Variants in TCF12 observed in about 807,000 individuals in gnomAD.
The protein encoded by TCF12 is transcription factor 12, also known as DNA-binding protein HTF4.
A neutral mutation model predicts 86.0 loss-of-function variants in TCF12; 45 were observed. The ratio of observed to expected loss-of-function variants is 0.52; its 90% CI spans 0.41 to 0.67. The LOEUF is 0.67. Ranked by LOEUF, TCF12 falls within the 30% of genes least tolerant of loss-of-function variation. The probability of loss-of-function intolerance (pLI) is 0.00; values close to 1 mark genes in which losing one functional copy is unlikely to be tolerated. For synonymous variants in TCF12, 330 were observed against 299.6 expected (o/e 1.10, Z -1.05); for missense variants, 881 against 859.9 (o/e 1.02, Z -0.31).
intron 3 of TCF12, among the ~76,000 whole-genome samples, chr15:56,990,229 G>C (rs987411856): frequency 7.6e-6 from 1 of 130,848 alleles, no homozygotes; most frequent in Non-Finnish European, 1.5e-5. Context: ...AATCTTTATC[G>C]TGTGTGTGTG....
chr15:56,937,580 A>G (rs557000956), intron 3 of TCF12, among the ~76,000 whole-genome samples: 34 of 151,328 alleles, frequency 2.2e-4, no homozygotes, highest in Middle Eastern at 3.4e-3. Context: ...GGCTAGGACT[A>G]TATTGAATAG....
In TCF12 at chr15:57,232,342, A is replaced by G; in HGVS notation, c.737A>G (p.Gln246Arg). Reference protein sequence around the residue: ...DLWSSSNGMSQPGFGGILGTS... With the variant: ...DLWSSSNGMSRPGFGGILGTS... The stretch of plus-strand genomic sequence containing the variant: ...TGGAGTTCATCAAATGGGATGAGCC[A>G]GCCTGGTTTTGGTGGAATTCTGGGG... Residue 246 changes from glutamine (Q) to arginine (R), a missense_variant, in exon 10 of 21, where the codon CAG becomes CGG. Transcript: ENST00000333725. 6.2e-7 allele frequency: 1 copy of G among 1,614,082 alleles called. No individual in the cohort carries two copies. The highest frequency in any genetic ancestry group is 8.5e-7 in the Non-Finnish European group (1 of 1,179,924).
At chr15:57,206,644 G>A (rs551887226) in intron 8 of TCF12, among the ~76,000 whole-genome samples, 1 of 129,938 alleles carries the variant, frequency 7.7e-6, no homozygotes, top group East Asian at 2.3e-4. Flanking sequence ...CTGGAGTGCA[G>A]TGGCACGATC....
chr15:56,921,978 G>A (rs1236100429), intron 3 of TCF12, among the ~76,000 whole-genome samples: 1 of 151,932 alleles, frequency 6.6e-6, no homozygotes, highest in East Asian at 1.9e-4. Flanking sequence ...ATCATCTTAA[G>A]TAAGTGAAAT....
chr15:57,008,242 C>T (rs1010769380), intron 3 of TCF12, among the ~76,000 whole-genome samples: 8 of 151,500 alleles, frequency 5.3e-5, no homozygotes, highest in Non-Finnish European at 1.0e-4. Context: ...CCCAAAGTGC[C>T]GAGATTACAG....
chr15:57,268,696 G>C (rs907442029), intron 18 of TCF12, among the ~76,000 whole-genome samples: 5 of 152,058 alleles, frequency 3.3e-5, no homozygotes, highest in Non-Finnish European at 5.9e-5. Context: ...TCTATAAGCT[G>C]TTACAGAGCA....
intron 3 of TCF12, among the ~76,000 whole-genome samples, chr15:56,972,272 A>T (rs2062376554): frequency 6.6e-6 from 1 of 152,240 alleles, no homozygotes; most frequent in African/African-American, 2.4e-5. Context: ...TTTTCTTTTG[A>T]TCCAGCAATT....
chr15:57,075,307 A>T (rs954382745), intron 4 of TCF12, among the ~76,000 whole-genome samples: 2 of 152,078 alleles, frequency 1.3e-5, no homozygotes, highest in African/African-American at 4.8e-5. Context: ...TTTCCTCAGT[A>T]TCTTTCTTCC....
intron 11 of TCF12, 132 bp from the exon 12 acceptor site, chr15:57,233,909 CAT>C (rs1319417965): frequency 2.9e-6 from 2 of 685,074 alleles, no homozygotes; most frequent in Non-Finnish European, 2.7e-6. Flanking sequence ...AAGTACAACA[CAT>C]GTAGAGTATT....
intron 19 of TCF12, among the ~76,000 whole-genome samples, chr15:57,278,843 TTCC>T (rs2152120841): frequency 6.6e-6 from 1 of 150,646 alleles, no homozygotes; most frequent in African/African-American, 2.5e-5. Context: ...CTTTCTCTCT[TTCC>T]TCCTTTTTTC....
At chr15:57,199,153 T>C (rs567613696) in intron 8 of TCF12, among the ~76,000 whole-genome samples, 17 of 152,298 alleles carry the variant, frequency 1.1e-4, no homozygotes, top group Non-Finnish European at 1.6e-4. Context: ...GACTGCTTGA[T>C]AAACAAAATG....
intron 4 of TCF12, among the ~76,000 whole-genome samples, chr15:57,085,017 T>C (rs1048905440): frequency 2.6e-5 from 4 of 152,196 alleles, no homozygotes; most frequent in Non-Finnish European, 5.9e-5. Flanking sequence ...GTATCCAGCA[T>C]ATTTTTTGAA....
chr15:57,249,213 A>C (rs1457073046), intron 13 of TCF12, among the ~76,000 whole-genome samples: 1 of 152,190 alleles, frequency 6.6e-6, no homozygotes. Context: ...TTGTTTTTAT[A>C]TATTTTTCAT....
chr15:57,221,449 C>A (rs930038537), intron 8 of TCF12, among the ~76,000 whole-genome samples: 4 of 150,224 alleles, frequency 2.7e-5, no homozygotes, highest in African/African-American at 9.8e-5. Context: ...TTATGTAGGA[C>A]CCTGAACCAG....
intron 3 of TCF12, among the ~76,000 whole-genome samples, chr15:57,037,058 G>A (rs1377842096): frequency 2.0e-5 from 3 of 152,308 alleles, no homozygotes; most frequent in East Asian, 1.9e-4. Context: ...GTGATTTAAA[G>A]TGTAATCATT....
intron 3 of TCF12, among the ~76,000 whole-genome samples, chr15:56,970,833 T>C (rs939798834): frequency 1.3e-4 from 19 of 151,446 alleles, no homozygotes; most frequent in Non-Finnish European, 1.5e-5. Flanking sequence ...AAGAAATGCT[T>C]GAGCCCAGGA....
intron 3 of TCF12, among the ~76,000 whole-genome samples, chr15:56,993,517 G>T (rs2063553815): frequency 6.6e-6 from 1 of 152,212 alleles, no homozygotes; most frequent in Non-Finnish European, 1.5e-5. Flanking sequence ...ATGCCTCAGA[G>T]AATTGGAAAG....
At chr15:57,217,734 C>G (rs2058389317) in intron 8 of TCF12, among the ~76,000 whole-genome samples, 1 of 151,922 alleles carries the variant, frequency 6.6e-6, no homozygotes, top group South Asian at 2.1e-4. Flanking sequence ...GTTTGATTTT[C>G]CTTTTTTTTT....
At chr15:57,258,839 T>G (rs563365535) in intron 16 of TCF12, among the ~76,000 whole-genome samples, 1 of 152,298 alleles carries the variant, frequency 6.6e-6, no homozygotes, top group East Asian at 1.9e-4. Flanking sequence ...ACAGGAGACT[T>G]TAAGTAAAGA....
Sources: gnomAD v4.1 joint callset for allele counts (sites outside exome capture counted in the v4.1 genomes callset) on GRCh38, gnomAD v4.1.1 for gene constraint, MANE v1.5 for transcripts, NCBI Gene and HGNC (gene_info 2026-07-23, HGNC 2026-07-21) for gene names.